Variants in XKR6 observed in about 807,000 individuals in gnomAD.
The protein encoded by XKR6 is XK related 6, also known as XK-related protein 6.
Under a neutral mutation model 56.7 loss-of-function variants are expected in XKR6, and 22 were observed. That is an observed-to-expected ratio of 0.39 (90% confidence interval 0.28 to 0.55). The LOEUF (loss-of-function observed/expected upper bound fraction) is 0.55. Ranked by LOEUF, XKR6 falls within the 20% of genes least tolerant of loss-of-function variation. XKR6 has a pLI of 0.66. For missense variants in XKR6, 852 were observed against 889.0 expected, an observed-to-expected ratio of 0.96 and a Z score of 0.53; for synonymous variants, 524 against 387.8, an observed-to-expected ratio of 1.35 and a Z score of -4.13.
Position 11,033,403 on chromosome 8 carries a change from G to C in XKR6, c.765-108573C>G, listed in dbSNP as rs551925651. On this transcript the variant is annotated intron_variant, in intron 1 of 2. Coordinates refer to ENST00000416569, the MANE Select transcript of XKR6 (RefSeq NM_173683.4). ...GGTGGTGATGATGATGATGACGATA[G>C]TGATGGTGATGATGATGATGATGAT... Among the ~76,000 whole-genome samples, 588 of 145,142 alleles carry C rather than the reference G, an allele frequency of 4.1e-3. 11 individuals carry two copies. The highest frequency in any genetic ancestry group is 0.014 in the African/African-American group (548 of 38,810).
intron 1 of XKR6, among the ~76,000 whole-genome samples, chr8:10,957,325 A>G (rs1208014246): frequency 1.3e-5 from 2 of 152,176 alleles, no homozygotes; most frequent in Admixed American, 1.3e-4. Flanking sequence ...TTTCCTAGGC[A>G]ACGGATTCAG....
intron 1 of XKR6, among the ~76,000 whole-genome samples, chr8:11,096,471 T>C (rs1798265731): frequency 6.6e-6 from 1 of 152,262 alleles, no homozygotes; most frequent in African/African-American, 2.4e-5. Context: ...ACATGTATTA[T>C]GTTTTTAACA....
intron 1 of XKR6, among the ~76,000 whole-genome samples, chr8:11,083,926 TAA>T (rs775659258): frequency 2.1e-5 from 3 of 146,278 alleles, no homozygotes; most frequent in African/African-American, 7.5e-5. Flanking sequence ...GCTGTTTCGT[TAA>T]AAAAAAAAAC....
chr8:11,001,787 G>T (rs922408888), intron 1 of XKR6, among the ~76,000 whole-genome samples: 2 of 152,208 alleles, frequency 1.3e-5, no homozygotes, highest in Non-Finnish European at 2.9e-5. Flanking sequence ...CAGCCTCCCA[G>T]TGGGCAGAGC....
At chr8:11,158,164 G>C (rs1362092703) in intron 1 of XKR6, among the ~76,000 whole-genome samples, 1 of 152,160 alleles carries the variant, frequency 6.6e-6, no homozygotes, top group Non-Finnish European at 1.5e-5. Context: ...GTGGGGAAAG[G>C]CAATAATCAA....
At chr8:11,009,347 C>CA (rs1798448459) in intron 1 of XKR6, among the ~76,000 whole-genome samples, 1 of 151,998 alleles carries the variant, frequency 6.6e-6, no homozygotes, top group Admixed American at 6.6e-5. Flanking sequence ...CCTGTCTTTA[C>CA]AAAAAATACA....
At chr8:10,959,976 G>T (rs10087923) in intron 1 of XKR6, among the ~76,000 whole-genome samples, 69,630 of 151,904 alleles carry the variant, frequency 0.46, 17,711 homozygotes, top group African/African-American at 0.68. Flanking sequence ...ACACTCAGGG[G>T]TTGCTCCTGG....
chr8:11,121,660 T>A (rs1034451768), intron 1 of XKR6, among the ~76,000 whole-genome samples: 6 of 152,218 alleles, frequency 3.9e-5, no homozygotes, highest in African/African-American at 1.4e-4. Flanking sequence ...GGAAACACCA[T>A]TTGACCCAGC....
At chr8:11,088,866 T>C (rs1365370797) in intron 1 of XKR6, among the ~76,000 whole-genome samples, 1 of 152,212 alleles carries the variant, frequency 6.6e-6, no homozygotes, top group Non-Finnish European at 1.5e-5. Context: ...GTTAGAGGTA[T>C]AAGGCAATAT....
intron 1 of XKR6, among the ~76,000 whole-genome samples, chr8:11,081,708 G>A (rs1043902278): frequency 2.0e-5 from 3 of 152,172 alleles, no homozygotes; most frequent in African/African-American, 7.2e-5. Context: ...CAAAGGAGAT[G>A]TAAACAAGAA....
At chr8:11,183,952 A>T (rs1803129391) in intron 1 of XKR6, among the ~76,000 whole-genome samples, 1 of 152,220 alleles carries the variant, frequency 6.6e-6, no homozygotes, top group African/African-American at 2.4e-5. Flanking sequence ...GACTGTCTGT[A>T]GTCTGGGCAA....
chr8:10,976,742 C>T (rs1586380917), intron 1 of XKR6, among the ~76,000 whole-genome samples: 1 of 143,072 alleles, frequency 7.0e-6, no homozygotes, highest in East Asian at 2.1e-4. Flanking sequence ...TATCACTAGG[C>T]TACCTCGCCT....
intron 1 of XKR6, among the ~76,000 whole-genome samples, chr8:11,107,338 T>A (rs1005118039): frequency 6.6e-6 from 1 of 152,120 alleles, no homozygotes; most frequent in Admixed American, 6.6e-5. Flanking sequence ...CAGCTGAGAC[T>A]ACAAGTGCAC....
chr8:11,083,560 C>G (rs1484519016), intron 1 of XKR6, among the ~76,000 whole-genome samples: 4 of 152,184 alleles, frequency 2.6e-5, no homozygotes, highest in Non-Finnish European at 5.9e-5. Flanking sequence ...CAAAACTTCA[C>G]CAGTGCTGGG....
chr8:11,056,091 G>T (rs965807420), intron 1 of XKR6, among the ~76,000 whole-genome samples: 2 of 152,086 alleles, frequency 1.3e-5, no homozygotes, highest in Admixed American at 6.5e-5. Flanking sequence ...GGCCGTGGAC[G>T]ACGTCCCGAC....
At chr8:11,032,403 T>C (rs1360780565) in intron 1 of XKR6, among the ~76,000 whole-genome samples, 1 of 152,218 alleles carries the variant, frequency 6.6e-6, no homozygotes, top group Non-Finnish European at 1.5e-5. Flanking sequence ...AGACAGAGTG[T>C]GTGTGCTGAG....
At chr8:11,168,859 A>G (rs559968609) in intron 1 of XKR6, among the ~76,000 whole-genome samples, 19 of 152,360 alleles carry the variant, frequency 1.2e-4, no homozygotes, top group African/African-American at 4.6e-4. Flanking sequence ...TGTTCTTTGT[A>G]TAACCAGTGG....
intron 1 of XKR6, among the ~76,000 whole-genome samples, chr8:11,173,698 C>T (rs1563194007): frequency 6.6e-6 from 1 of 152,270 alleles, no homozygotes; most frequent in Non-Finnish European, 1.5e-5. Flanking sequence ...ATTCCAATTA[C>T]ACCTGGACAG....
At chr8:10,907,262 C>A (rs1800211511) in intron 2 of XKR6, among the ~76,000 whole-genome samples, 2 of 152,114 alleles carry the variant, frequency 1.3e-5, no homozygotes, top group South Asian at 2.1e-4. Context: ...TCTGGCTGGA[C>A]AAAAAGCTCT....
Sources: gnomAD v4.1 joint callset for allele counts (sites outside exome capture counted in the v4.1 genomes callset) on GRCh38, gnomAD v4.1.1 for gene constraint, MANE v1.5 for transcripts, NCBI Gene and HGNC (gene_info 2026-07-23, HGNC 2026-07-21) for gene names.